Variants in TMEM45A observed in about 807,000 individuals in gnomAD.
TMEM45A encodes the protein transmembrane protein 45A.
In TMEM45A, 25 loss-of-function variants were observed where a neutral mutation model predicts 32.0. The ratio of observed to expected loss-of-function variants is 0.78; its 90% CI spans 0.57 to 1.09. The LOEUF is 1.09. TMEM45A is among the 50% of genes least tolerant of loss of function. The pLI is 0.00. For synonymous variants in TMEM45A, 122 were observed against 114.8 expected, an observed-to-expected ratio of 1.06 and a Z score of -0.40; for missense variants, 302 against 325.0, an observed-to-expected ratio of 0.93 and a Z score of 0.54.
rs1474005643 is a variant in TMEM45A, at chr3:100,577,404, C to T, written c.*386C>T. The T allele has an allele frequency of 6.3e-6, 1 of 159,838 alleles. No homozygotes were observed. Among genetic ancestry groups the T allele is most frequent in the Non-Finnish European group, 1.4e-5 (1 of 73,776 alleles). 9.9% of individuals were successfully genotyped at this position (159,838 alleles called of 1,614,324 possible). A position where few individuals can be genotyped will look rare whatever the true frequency, so the allele number is the denominator to read the frequency against. On this transcript the variant is annotated 3_prime_UTR_variant, in exon 6 of 6. Coordinates refer to ENST00000323523, the MANE Select transcript of TMEM45A (RefSeq NM_018004.3). ...GGAATTATACTTGTTTATCTTGTTG[C>T]TGCAATGAGAAATAAATGAATGTAT...
chr3:100,498,227 T>A (rs1707959479), intron 1 of TMEM45A, among the ~76,000 whole-genome samples: 1 of 152,246 alleles, frequency 6.6e-6, no homozygotes. Flanking sequence ...CATGTGGAAC[T>A]GTGAGTCAAT....
intron 1 of TMEM45A, among the ~76,000 whole-genome samples, chr3:100,500,934 A>G (rs1708000753): frequency 6.6e-6 from 1 of 152,276 alleles, no homozygotes; most frequent in African/African-American, 2.4e-5. Context: ...TTAGTAGATG[A>G]GAAAATTGAT....
chr3:100,536,877 G>T (rs941660700), intron 1 of TMEM45A, among the ~76,000 whole-genome samples: 1 of 152,222 alleles, frequency 6.6e-6, no homozygotes, highest in Non-Finnish European at 1.5e-5. Context: ...GAAAGGCCTA[G>T]ATTCAATCAT....
At chr3:100,497,833 A>G (rs1176621235) in intron 1 of TMEM45A, among the ~76,000 whole-genome samples, 7 of 152,116 alleles carry the variant, frequency 4.6e-5, no homozygotes, top group Admixed American at 3.9e-4. Context: ...GGTTGTTTTC[A>G]CCTGTGATGA....
chr3:100,550,467 A>G (rs969598656), intron 1 of TMEM45A, among the ~76,000 whole-genome samples: 2 of 152,242 alleles, frequency 1.3e-5, no homozygotes, highest in Non-Finnish European at 2.9e-5. Flanking sequence ...TTACAAATGT[A>G]TTTTGAAGTA....
intron 1 of TMEM45A, among the ~76,000 whole-genome samples, chr3:100,534,647 G>A (rs1045235527): frequency 1.3e-5 from 2 of 152,202 alleles, no homozygotes; most frequent in African/African-American, 4.8e-5. Context: ...CTCTAGAACT[G>A]TAAGATAATA....
intron 4 of TMEM45A, among the ~76,000 whole-genome samples, chr3:100,567,458 G>T (rs949777221): frequency 7.3e-6 from 1 of 136,176 alleles, no homozygotes; most frequent in Non-Finnish European, 1.5e-5. Context: ...AGGTTGTTTT[G>T]GTTATTCTGG....
intron 1 of TMEM45A, among the ~76,000 whole-genome samples, chr3:100,552,650 G>T (rs996570952): frequency 2.0e-5 from 3 of 152,206 alleles, no homozygotes; most frequent in Non-Finnish European, 4.4e-5. Flanking sequence ...CAGTAGGTGG[G>T]TTGATAAGAT....
chr3:100,504,447 C>T (rs75842623), intron 1 of TMEM45A, among the ~76,000 whole-genome samples: 1,844 of 152,270 alleles, frequency 0.012, 23 homozygotes, highest in African/African-American at 0.041. Flanking sequence ...CCCGTATAAC[C>T]TATGCACCAC....
intron 1 of TMEM45A, among the ~76,000 whole-genome samples, chr3:100,540,687 T>G (rs1705855179): frequency 6.6e-6 from 1 of 152,224 alleles, no homozygotes; most frequent in Admixed American, 6.5e-5. Context: ...TTCAGAATTG[T>G]GCTCCTAGTA....
intron 1 of TMEM45A, among the ~76,000 whole-genome samples, chr3:100,535,952 G>A (rs1264937777): frequency 6.6e-6 from 1 of 152,184 alleles, no homozygotes; most frequent in Admixed American, 6.5e-5. Flanking sequence ...GGGAAAAAAA[G>A]TCTTGACGTT....
intron 1 of TMEM45A, among the ~76,000 whole-genome samples, chr3:100,538,029 G>A (rs1360649933): frequency 6.6e-6 from 1 of 152,172 alleles, no homozygotes; most frequent in Non-Finnish European, 1.5e-5. Context: ...TCTTTCCTGG[G>A]ACCTATAAGG....
rs1707864096 is a variant in TMEM45A at position 100,492,755 on chromosome 3, T to TAC, written c.-177_-176insAC. 7.0e-6 allele frequency: 1 copy of TAC among 143,526 alleles called. No individual in the cohort carries two copies. The allele number at this position is 143,526 out of a possible 1,614,324, so 8.9% of individuals were successfully genotyped here. ...CGACTAGGGACCCAAGTTTAAAAAT[T>TAC]CCTCCCCCCACCCAATGCGAGACGT... On this transcript the variant is annotated 5_prime_UTR_variant, in exon 1 of 6. Coordinates refer to ENST00000323523, the MANE Select transcript of TMEM45A (RefSeq NM_018004.3).
At chr3:100,558,983 T>A (rs1322310357) in intron 4 of TMEM45A, among the ~76,000 whole-genome samples, 1 of 152,220 alleles carries the variant, frequency 6.6e-6, no homozygotes, top group Non-Finnish European at 1.5e-5. Flanking sequence ...AACTTTTATA[T>A]ATACATTGTT....
chr3:100,575,486 C>A (rs568710899), intron 5 of TMEM45A, among the ~76,000 whole-genome samples: 1 of 151,234 alleles, frequency 6.6e-6, no homozygotes, highest in African/African-American at 2.4e-5. Flanking sequence ...GATTCTCTTG[C>A]CTCAGCCTCC....
At chr3:100,507,343 G>T (rs1165325600) in intron 1 of TMEM45A, among the ~76,000 whole-genome samples, 2 of 152,202 alleles carry the variant, frequency 1.3e-5, no homozygotes, top group Non-Finnish European at 2.9e-5. Context: ...TCTTTTGGCT[G>T]CTGGAAAACA....
intron 1 of TMEM45A, among the ~76,000 whole-genome samples, chr3:100,535,106 G>A (rs1257708938): frequency 1.3e-5 from 2 of 151,364 alleles, no homozygotes; most frequent in African/African-American, 2.4e-5. Context: ...AAATCAGGAG[G>A]CACTATTTCC....
chr3:100,539,157 G>A (rs984589679), intron 1 of TMEM45A, among the ~76,000 whole-genome samples: 25 of 152,100 alleles, frequency 1.6e-4, no homozygotes, highest in Admixed American at 3.3e-4. Flanking sequence ...TATTGAAAGA[G>A]AAGAACAGAA....
intron 5 of TMEM45A, among the ~76,000 whole-genome samples, chr3:100,570,440 C>T (rs1414003864): frequency 6.6e-6 from 1 of 152,224 alleles, no homozygotes; most frequent in Non-Finnish European, 1.5e-5. Flanking sequence ...GGTCAGCCCA[C>T]TTTGATCTAT....
Sources: gnomAD v4.1 joint callset for allele counts (sites outside exome capture counted in the v4.1 genomes callset) on GRCh38, gnomAD v4.1.1 for gene constraint, MANE v1.5 for transcripts, NCBI Gene and HGNC (gene_info 2026-07-23, HGNC 2026-07-21) for gene names.